KIAA0319L: variants seen among roughly 807,000 people sequenced by gnomAD.
The protein encoded by KIAA0319L is KIAA0319 like, also known as dyslexia-associated protein KIAA0319-like protein.
A neutral mutation model predicts 120.1 loss-of-function variants in KIAA0319L; 55 were observed. The ratio of observed to expected loss-of-function variants is 0.46; its 90% CI spans 0.37 to 0.57. The LOEUF (loss-of-function observed/expected upper bound fraction) is 0.57. Among genes scored for constraint, KIAA0319L ranks in the 20% least tolerant of loss-of-function variants. The probability of loss-of-function intolerance (pLI) is 0.00; values close to 1 mark genes in which losing one functional copy is unlikely to be tolerated. For synonymous variants in KIAA0319L, 398 were observed against 471.9 expected, an observed-to-expected ratio of 0.84 and a Z score of 2.03; for missense variants, 1,049 against 1,255.3, an observed-to-expected ratio of 0.84 and a Z score of 2.48.
chr1:35,533,477 G>GA (rs1646452583), intron 2 of KIAA0319L: 1 of 152,140 alleles, frequency 6.6e-6, no homozygotes, highest in Admixed American at 6.5e-5. Context: ...GTATTCTGTA[G>GA]AAAAAATTTG....
At chr1:35,444,400 G>T in intron 16 of KIAA0319L, 97 bp from the exon 17 acceptor site, 2 of 1,188,558 alleles carry the variant, frequency 1.7e-6, no homozygotes, top group African/African-American at 1.6e-5. Context: ...GACAGACACT[G>T]TGCTAAGTGT....
chr1:35,496,168 C>T (rs1398432186), intron 3 of KIAA0319L, among the ~76,000 whole-genome samples: 1 of 152,144 alleles, frequency 6.6e-6, no homozygotes, highest in African/African-American at 2.4e-5. Flanking sequence ...GCCTGTAATC[C>T]CAACACTTTG....
chr1:35,435,356 G>A (rs1037047292), intron 20 of KIAA0319L: 7 of 367,226 alleles, frequency 1.9e-5, no homozygotes, highest in Non-Finnish European at 3.4e-5. Context: ...CTTTGGTTCA[G>A]GCCACTCAGT....
chr1:35,447,310 TAAAAC>T (rs1369873940), intron 16 of KIAA0319L, among the ~76,000 whole-genome samples: 2 of 149,652 alleles, frequency 1.3e-5, no homozygotes, highest in African/African-American at 2.5e-5. Context: ...TTCACACACA[TAAAAC>T]AAACCAACTT....
chr1:35,440,939 T>G (rs1641163056), intron 20 of KIAA0319L, 108 bp downstream of exon 20: 2 of 896,166 alleles, frequency 2.2e-6, no homozygotes, highest in East Asian at 4.8e-5. Context: ...ACAAAATGCT[T>G]TGCAAGCACA....
At chr1:35,513,267 C>CATATATATATATATATATATATATATAT (rs1189085625) in intron 2 of KIAA0319L, among the ~76,000 whole-genome samples, 1 of 107,462 alleles carries the variant, frequency 9.3e-6, no homozygotes, top group African/African-American at 3.7e-5. Flanking sequence ...ATCTATATAA[C>CATATATATATATATATATATATATATAT]ATATATATAT....
chr1:35,436,050 G>C (rs906139470), intron 20 of KIAA0319L, among the ~76,000 whole-genome samples: 1 of 152,000 alleles, frequency 6.6e-6, no homozygotes, highest in African/African-American at 2.4e-5. Flanking sequence ...GGACATCTTA[G>C]GGAGAGGGGA....
intron 2 of KIAA0319L, among the ~76,000 whole-genome samples, chr1:35,524,492 A>T (rs1646044641): frequency 6.6e-6 from 1 of 152,218 alleles, no homozygotes; most frequent in Non-Finnish European, 1.5e-5. Context: ...ATGTTCAATG[A>T]GGGAAGAAAG....
At position 35,451,008 on chromosome 1, in the gene KIAA0319L, T is replaced by C. The variant is rs868613757; in HGVS notation, c.2063-499A>G. Among the ~76,000 whole-genome samples, 3 of 152,252 alleles carry C rather than the reference T, an allele frequency of 2.0e-5. No individual in the cohort carries two copies. The South Asian group carries it at 6.2e-4, about 32-fold the overall frequency. ...ATTCGGAGCCCCACGTGAAGCTCTG[T>C]ATATTCAGATGTCTGTGCAGTATTT... On this transcript the variant is annotated intron_variant, in intron 13 of 20. Transcript: ENST00000325722.
intron 2 of KIAA0319L, among the ~76,000 whole-genome samples, chr1:35,514,885 A>G (rs1013686910): frequency 6.6e-6 from 1 of 152,226 alleles, no homozygotes; most frequent in African/African-American, 2.4e-5. Flanking sequence ...ATTGGACCAA[A>G]GGGATCTGAT....
intron 3 of KIAA0319L, among the ~76,000 whole-genome samples, chr1:35,497,851 C>T (rs1644869990): frequency 2.0e-5 from 3 of 152,114 alleles, no homozygotes; most frequent in Admixed American, 6.6e-5. Context: ...TATTTAGAAA[C>T]TATTGCTTTA....
chr1:35,553,331 C>A (rs1157928098), intron 2 of KIAA0319L, among the ~76,000 whole-genome samples: 1 of 150,998 alleles, frequency 6.6e-6, no homozygotes, highest in Non-Finnish European at 1.5e-5. Context: ...AGTCAGCTGT[C>A]CCAGCAAAGC....
intron 4 of KIAA0319L, among the ~76,000 whole-genome samples, chr1:35,475,518 C>G (rs1643874980): frequency 6.6e-6 from 1 of 151,758 alleles, no homozygotes; most frequent in Admixed American, 6.6e-5. Flanking sequence ...CTCTGTTGCT[C>G]AGGATAGAGT....
At chr1:35,536,269 A>G (rs1646569908) in intron 2 of KIAA0319L, among the ~76,000 whole-genome samples, 1 of 152,260 alleles carries the variant, frequency 6.6e-6, no homozygotes. Context: ...GCTGGGAAAC[A>G]GCCTTTCCTG....
chr1:35,457,468 A>G (rs1311305110), intron 9 of KIAA0319L, among the ~76,000 whole-genome samples: 5 of 150,882 alleles, frequency 3.3e-5, no homozygotes, highest in East Asian at 1.9e-4. Flanking sequence ...CAGTCCCACA[A>G]TTTGTGCCAG....
chr1:35,468,271 C>CA (rs1207147905), intron 6 of KIAA0319L, among the ~76,000 whole-genome samples: 1 of 152,046 alleles, frequency 6.6e-6, no homozygotes, highest in African/African-American at 2.4e-5. Flanking sequence ...CTTCTGTGCT[C>CA]ACACTTCATT....
At chr1:35,491,413 G>A (rs757120747) in intron 3 of KIAA0319L, among the ~76,000 whole-genome samples, 2 of 152,058 alleles carry the variant, frequency 1.3e-5, no homozygotes, top group Non-Finnish European at 2.9e-5. Flanking sequence ...TAATCAAATC[G>A]CTTAAAACAG....
At chr1:35,469,515 T>C (rs1265177998) in intron 6 of KIAA0319L, among the ~76,000 whole-genome samples, 1 of 152,014 alleles carries the variant, frequency 6.6e-6, no homozygotes, top group Non-Finnish European at 1.5e-5. Flanking sequence ...CTTTCCAACT[T>C]AGTCACAACC....
intron 2 of KIAA0319L, among the ~76,000 whole-genome samples, chr1:35,548,061 C>T (rs1647050919): frequency 6.6e-6 from 1 of 151,490 alleles, no homozygotes; most frequent in African/African-American, 2.4e-5. Flanking sequence ...GCTGAGGTTG[C>T]AGTGAGCTGA....
Sources: allele counts gnomAD v4.1 joint callset (sites outside exome capture counted in the v4.1 genomes callset), GRCh38; gene constraint gnomAD v4.1.1; transcripts MANE v1.5; gene names NCBI Gene and HGNC (gene_info 2026-07-23, HGNC 2026-07-21).